SLC39A11: variants seen among roughly 807,000 people sequenced by gnomAD.
SLC39A11 encodes zinc transporter ZIP11.
A neutral mutation model predicts 36.1 loss-of-function variants in SLC39A11; 33 were observed. The ratio of observed to expected loss-of-function variants is 0.91; its 90% CI spans 0.69 to 1.22. The LOEUF (loss-of-function observed/expected upper bound fraction) is 1.22, where lower values mean the gene tolerates loss of function less well. Among genes scored for constraint, SLC39A11 ranks in the 50% most tolerant of loss-of-function variants. The pLI, the probability that SLC39A11 is intolerant of heterozygous loss-of-function variation, is 0.00. For synonymous variants in SLC39A11, 166 were observed against 170.3 expected (o/e 0.97, Z 0.20); for missense variants, 432 against 430.3 (o/e 1.00, Z -0.03).
chr17:72,949,144 C>CTTTTTTTTTTTTT lies in SLC39A11; in HGVS notation c.307-1282_307-1270dup, dbSNP rs56036208. Among the ~76,000 whole-genome samples, 212 of 36,508 alleles carry CTTTTTTTTTTTTT rather than the reference C, an allele frequency of 5.8e-3. 49 individuals are homozygous for CTTTTTTTTTTTTT. Among genetic ancestry groups the CTTTTTTTTTTTTT allele is most frequent in the Middle Eastern group, 0.077 (2 of 26 alleles). 24.0% of individuals were successfully genotyped at this position (36,508 alleles called of 152,430 possible). On this transcript the variant is annotated intron_variant, in intron 4 of 9. Coordinates refer to ENST00000255559, the MANE Select transcript of SLC39A11 (RefSeq NM_139177.4). ...AAATAAAATACCATACACTGGGCAG[C>CTTTTTTTTTTTTT]TTTTTTTTTTTTTTTTTTTTTTTTT...
intron 6 of SLC39A11, among the ~76,000 whole-genome samples, chr17:72,783,127 TGATTCTCACCAGAAAGCA>T (rs1290083663): frequency 2.0e-4 from 17 of 85,304 alleles, no homozygotes; most frequent in African/African-American, 4.0e-4. Context: ...AGAAAGCAGA[TGATTCTCACCAGAAAGCA>T]GATTCTCACC....
chr17:72,867,128 C>T (rs1040732630), intron 5 of SLC39A11, among the ~76,000 whole-genome samples: 4 of 152,138 alleles, frequency 2.6e-5, no homozygotes. Flanking sequence ...TTCTAAGGTC[C>T]TCTGATTGGT....
At chr17:72,963,329 C>T (rs1201712343) in intron 4 of SLC39A11, among the ~76,000 whole-genome samples, 1 of 151,910 alleles carries the variant, frequency 6.6e-6, no homozygotes, top group East Asian at 1.9e-4. Context: ...CGCCACCACG[C>T]CCGGCTAATT....
chr17:72,832,833 C>T (rs760924896), intron 6 of SLC39A11, among the ~76,000 whole-genome samples: 17 of 152,032 alleles, frequency 1.1e-4, no homozygotes, highest in Admixed American at 2.0e-4. Context: ...TAAGCTGGGA[C>T]CATTATAAGG....
At chr17:72,954,978 G>A (rs761197733) in intron 4 of SLC39A11, among the ~76,000 whole-genome samples, 79 of 152,192 alleles carry the variant, frequency 5.2e-4, no homozygotes, top group Non-Finnish European at 9.4e-4. Context: ...TAAAGACAAG[G>A]AGGATGACGG....
At chr17:72,706,309 G>C (rs2072892044) in intron 7 of SLC39A11, among the ~76,000 whole-genome samples, 4 of 152,124 alleles carry the variant, frequency 2.6e-5, no homozygotes, top group Admixed American at 2.6e-4. Context: ...CTAAAGCAAA[G>C]AAAAATGGGT....
At chr17:72,704,146 T>C (rs2072780998) in intron 7 of SLC39A11, among the ~76,000 whole-genome samples, 1 of 152,162 alleles carries the variant, frequency 6.6e-6, no homozygotes, top group South Asian at 2.1e-4. Context: ...ACAACTATTA[T>C]TTTTACCAGA....
chr17:72,790,734 C>T (rs12939371), intron 6 of SLC39A11, among the ~76,000 whole-genome samples: 88,011 of 151,822 alleles, frequency 0.58, 26,876 homozygotes, highest in Non-Finnish European at 0.69. Context: ...GGTCTCACCA[C>T]GTTGGCCAGG....
intron 4 of SLC39A11, among the ~76,000 whole-genome samples, chr17:72,976,344 C>T (rs1027904225): frequency 5.3e-5 from 8 of 152,128 alleles, no homozygotes; most frequent in Non-Finnish European, 1.0e-4. Context: ...TTTAAGATCA[C>T]ACCTCTTTAA....
At chr17:73,080,760 C>T (rs1317687927) in intron 3 of SLC39A11, among the ~76,000 whole-genome samples, 1 of 151,940 alleles carries the variant, frequency 6.6e-6, no homozygotes, top group Admixed American at 6.6e-5. Context: ...GCCTGGCCAA[C>T]ATGGTGAAAC....
chr17:72,952,646 A>C (rs1196927195), intron 4 of SLC39A11, among the ~76,000 whole-genome samples: 1 of 152,048 alleles, frequency 6.6e-6, no homozygotes, highest in East Asian at 1.9e-4. Flanking sequence ...TCTTTACTTG[A>C]TATTGTTGTT....
At chr17:72,754,722 C>T (rs1442235738) in intron 6 of SLC39A11, among the ~76,000 whole-genome samples, 1 of 152,172 alleles carries the variant, frequency 6.6e-6, no homozygotes, top group African/African-American at 2.4e-5. Flanking sequence ...CAGAGCCAAC[C>T]TTGGGAGCAG....
At chr17:72,830,973 G>C (rs1359507594) in intron 6 of SLC39A11, among the ~76,000 whole-genome samples, 1 of 152,198 alleles carries the variant, frequency 6.6e-6, no homozygotes, top group African/African-American at 2.4e-5. Context: ...AGGGCACAGA[G>C]AAGGAAATCT....
At position 72,959,721 on chromosome 17, in the gene SLC39A11, A is replaced by T. The variant is rs972003081; in HGVS notation, c.307-11846T>A. On this transcript the variant is annotated intron_variant, in intron 4 of 9. Transcript: ENST00000255559. ...GTACCCCAATAACCTATGGAAAAAA[A>T]TTTTTTTAAATATATACTAATATTG... Among the ~76,000 whole-genome samples the T allele has an allele frequency of 1.7e-4, 26 of 152,020 alleles. 1 individual carries two copies. The highest frequency in any genetic ancestry group is 6.2e-4 in the South Asian group (3 of 4,820).
chr17:72,971,988 G>A (rs1386547872), intron 4 of SLC39A11, among the ~76,000 whole-genome samples: 5 of 152,186 alleles, frequency 3.3e-5, no homozygotes, highest in Non-Finnish European at 7.3e-5. Context: ...CACCTGGCAT[G>A]TAATAAGCCC....
At chr17:72,685,730 C>T (rs776356702) in intron 7 of SLC39A11, among the ~76,000 whole-genome samples, 12 of 152,128 alleles carry the variant, frequency 7.9e-5, no homozygotes, top group Non-Finnish European at 1.5e-4. Flanking sequence ...CAATTTCCAA[C>T]CTCTGCATCA....
At chr17:72,734,753 T>G (rs1313619684) in intron 7 of SLC39A11, among the ~76,000 whole-genome samples, 1 of 152,168 alleles carries the variant, frequency 6.6e-6, no homozygotes, top group Non-Finnish European at 1.5e-5. Flanking sequence ...GCCTGTGAGT[T>G]CCATGCCTGG....
At chr17:72,759,086 G>C (rs1292438007) in intron 6 of SLC39A11, among the ~76,000 whole-genome samples, 5 of 135,500 alleles carry the variant, frequency 3.7e-5, no homozygotes, top group African/African-American at 1.4e-4. Context: ...GGGCAACAGA[G>C]TGAGATTTCA....
At chr17:72,893,152 A>T (rs1042262445) in intron 5 of SLC39A11, among the ~76,000 whole-genome samples, 1 of 152,196 alleles carries the variant, frequency 6.6e-6, no homozygotes, top group African/African-American at 2.4e-5. Context: ...ATGAAGCCCA[A>T]TACTATTGAA....
Sources: allele counts gnomAD v4.1 joint callset (sites outside exome capture counted in the v4.1 genomes callset), GRCh38; gene constraint gnomAD v4.1.1; transcripts MANE v1.5; gene names NCBI Gene and HGNC (gene_info 2026-07-23, HGNC 2026-07-21).